Variants in CPEB1 observed in about 807,000 individuals in gnomAD.
CPEB1 encodes the protein cytoplasmic polyadenylation element binding protein 1.
CPEB1 carries 7 observed loss-of-function variants against 65.8 expected under a neutral mutation model. The ratio of observed to expected loss-of-function variants is 0.11; its 90% CI spans 0.06 to 0.20. The LOEUF is 0.20. CPEB1 is among the 10% of genes least tolerant of loss of function. The probability of loss-of-function intolerance (pLI) is 1.00; values close to 1 mark genes in which losing one functional copy is unlikely to be tolerated. For missense variants in CPEB1, 551 were observed against 712.2 expected (o/e 0.77, Z 2.58); for synonymous variants, 262 against 260.0 (o/e 1.01, Z -0.08).
Position 82,646,039 on chromosome 15 carries a change from T to C in CPEB1, c.-98+1098A>G, listed in dbSNP as rs587653832. Among the ~76,000 whole-genome samples the C allele has an allele frequency of 2.2e-3, 329 of 152,222 alleles. 1 individual carries two copies. The highest frequency in any genetic ancestry group is 7.5e-3 in the African/African-American group (310 of 41,524). ...GGTTTTCCGACAGCCAGCAGCCCCATTGAGCTCCACAAGCTTTTCTAACTA... is the reference window on the plus strand; with the variant it reads ...GGTTTTCCGACAGCCAGCAGCCCCACTGAGCTCCACAAGCTTTTCTAACTA... On this transcript the variant is annotated intron_variant, in intron 1 of 12. Coordinates refer to ENST00000684509, the MANE Select transcript of CPEB1 (RefSeq NM_001365242.1).
chr15:82,610,185 C>T (rs1455321942), intron 3 of CPEB1, among the ~76,000 whole-genome samples: 1 of 152,096 alleles, frequency 6.6e-6, no homozygotes, highest in Non-Finnish European at 1.5e-5. Flanking sequence ...TCTGCATACG[C>T]TTTTAATGAA....
chr15:82,620,291 G>A (rs1207587220), intron 3 of CPEB1, among the ~76,000 whole-genome samples: 1 of 151,756 alleles, frequency 6.6e-6, no homozygotes, highest in African/African-American at 2.4e-5. Flanking sequence ...CGGGTGTGGT[G>A]GCATGTGCCT....
At position 82,564,410 on chromosome 15, in the gene CPEB1, C is replaced by T. The variant is rs541428633; in HGVS notation, c.461-6424G>A. Among the ~76,000 whole-genome samples, 47 of 152,186 alleles carry T rather than the reference C, an allele frequency of 3.1e-4. 1 individual carries two copies. The highest frequency in any genetic ancestry group is 2.5e-4 in the Non-Finnish European group (17 of 68,006). On this transcript the variant is annotated intron_variant, in intron 4 of 12. Coordinates refer to ENST00000684509, the MANE Select transcript of CPEB1 (RefSeq NM_001365242.1). ...ACGCCATTCTCCTGCCTCAGCCTCCCGAGTAGCTGGGACTACAGGCACCTG... is the reference window on the plus strand; with the variant it reads ...ACGCCATTCTCCTGCCTCAGCCTCCTGAGTAGCTGGGACTACAGGCACCTG...
chr15:82,632,757 G>A lies in CPEB1; in HGVS notation c.-97-4201C>T, dbSNP rs748219772. 1.3e-3 allele frequency among the ~76,000 whole-genome samples: 191 copies of A among 151,716 alleles called. 1 individual carries two copies. Among genetic ancestry groups the A allele is most frequent in the African/African-American group, 1.2e-3 (49 of 41,360 alleles). On this transcript the variant is annotated intron_variant, in intron 1 of 12. Coordinates refer to ENST00000684509, the MANE Select transcript of CPEB1 (RefSeq NM_001365242.1). ...TTGTCCAGGCTGGTCTTGAATTCCC[G>A]GGCTCAAGCGCTGCTCCTGCCTCAG...
intron 3 of CPEB1, among the ~76,000 whole-genome samples, chr15:82,600,936 G>A (rs1181688706): frequency 1.2e-5 from 1 of 82,470 alleles, no homozygotes; most frequent in African/African-American, 4.9e-5. Context: ...ACAAAGTTTT[G>A]CTCTATTGCC....
chr15:82,579,295 T>C (rs1234530357), intron 3 of CPEB1, among the ~76,000 whole-genome samples: 3 of 152,160 alleles, frequency 2.0e-5, no homozygotes, highest in Non-Finnish European at 4.4e-5. Flanking sequence ...ACCCCGTTTC[T>C]ACAAAAAGTA....
intron 3 of CPEB1, among the ~76,000 whole-genome samples, chr15:82,609,570 AAAAAT>A (rs1250668942): frequency 6.6e-6 from 1 of 152,068 alleles, no homozygotes; most frequent in Non-Finnish European, 1.5e-5. Context: ...AGAAACTAGA[AAAAAT>A]AAACACAAAG....
At chr15:82,639,159 C>T (rs751320499) in intron 1 of CPEB1, among the ~76,000 whole-genome samples, 2 of 152,208 alleles carry the variant, frequency 1.3e-5, no homozygotes, top group East Asian at 3.8e-4. Context: ...GCATATAAAA[C>T]CCTTCATGGT....
chr15:82,638,329 T>C (rs1208976122), intron 1 of CPEB1, among the ~76,000 whole-genome samples: 1 of 152,180 alleles, frequency 6.6e-6, no homozygotes, highest in East Asian at 1.9e-4. Context: ...CTCCTATCTG[T>C]TAGTCATTTG....
chr15:82,638,928 C>T (rs956148695), intron 1 of CPEB1, among the ~76,000 whole-genome samples: 2 of 152,202 alleles, frequency 1.3e-5, no homozygotes, highest in Admixed American at 6.5e-5. Context: ...CTGATTCCTG[C>T]TAAGTAAGTG....
intron 8 of CPEB1, 62 bp downstream of exon 8, chr15:82,553,405 T>C (rs766086967): frequency 2.4e-6 from 3 of 1,259,910 alleles, no homozygotes; most frequent in Admixed American, 1.7e-5. Context: ...TAGGTGCAGT[T>C]ATGTACTAGG....
intron 3 of CPEB1, among the ~76,000 whole-genome samples, chr15:82,586,792 G>A (rs2041840608): frequency 6.6e-6 from 1 of 152,188 alleles, no homozygotes; most frequent in African/African-American, 2.4e-5. Context: ...GAATTGCACA[G>A]GTGTGAATTC....
chr15:82,608,808 G>A (rs1215688632), intron 3 of CPEB1, among the ~76,000 whole-genome samples: 2 of 152,046 alleles, frequency 1.3e-5, no homozygotes, highest in African/African-American at 4.8e-5. Flanking sequence ...CAAGATGACA[G>A]TATCAGGAAG....
At chr15:82,602,891 G>A (rs996972827) in intron 3 of CPEB1, among the ~76,000 whole-genome samples, 2 of 151,954 alleles carry the variant, frequency 1.3e-5, no homozygotes, top group Non-Finnish European at 2.9e-5. Context: ...AATGATCAGG[G>A]TAATATTAGT....
intron 10 of CPEB1, among the ~76,000 whole-genome samples, chr15:82,547,965 T>C (rs1279630292): frequency 6.6e-6 from 1 of 152,180 alleles, no homozygotes; most frequent in Non-Finnish European, 1.5e-5. Context: ...TAAGCCATCA[T>C]GGTCAGCCCT....
chr15:82,594,359 C>CA (rs367682928), intron 3 of CPEB1, among the ~76,000 whole-genome samples: 18,497 of 124,910 alleles, frequency 0.15, 1,513 homozygotes, highest in Non-Finnish European at 0.21. Context: ...CCTCATGAAC[C>CA]AAAAAAAAAG....
rs375007947 is a variant in CPEB1, at chr15:82,555,973, C to A, written c.837G>T (p.Lys279Asn). The stretch of plus-strand genomic sequence containing the variant: ...GCCACACAGAAGCTCCTGGCCATCT[C>A]TTTGAAGCACTGGTTGGGGAGGGAG... ...AVTPSPTSAS[K>N]RWPGASVWPS... The change falls in exon 6 of 13, where the codon AAG becomes AAT. Residue 279 changes from lysine to asparagine, a missense_variant. Coordinates refer to ENST00000684509, the MANE Select transcript of CPEB1 (RefSeq NM_001365242.1). 37 of 1,613,748 alleles carry A rather than the reference C, an allele frequency of 2.3e-5. No homozygotes were observed. Among genetic ancestry groups the A allele is most frequent in the Non-Finnish European group, 3.1e-5 (36 of 1,179,936 alleles).
chr15:82,571,828 C>A (rs1391444052), intron 3 of CPEB1: 5 of 1,184,240 alleles, frequency 4.2e-6, no homozygotes, highest in African/African-American at 3.1e-5. Flanking sequence ...CCGGCTGAGC[C>A]GTGCAATAGA....
At chr15:82,643,410 T>C (rs1269217035) in intron 1 of CPEB1, among the ~76,000 whole-genome samples, 1 of 152,206 alleles carries the variant, frequency 6.6e-6, no homozygotes, top group East Asian at 1.9e-4. Context: ...GGCGGACAGA[T>C]CACGAGGTCA....
Sources: allele counts gnomAD v4.1 joint callset (sites outside exome capture counted in the v4.1 genomes callset), GRCh38; gene constraint gnomAD v4.1.1; transcripts MANE v1.5; gene names NCBI Gene and HGNC (gene_info 2026-07-23, HGNC 2026-07-21).